Variants in ITGB5 observed in about 807,000 individuals in gnomAD.
ITGB5 encodes the protein integrin beta-5.
ITGB5 carries 38 observed loss-of-function variants against 84.8 expected under a neutral mutation model. The ratio of observed to expected loss-of-function variants is 0.45; its 90% CI spans 0.35 to 0.59. The LOEUF (loss-of-function observed/expected upper bound fraction) is 0.59, where lower values mean the gene tolerates loss of function less well. Among genes scored for constraint, ITGB5 ranks in the 20% least tolerant of loss-of-function variants. The pLI is 0.01. For missense variants in ITGB5, 905 were observed against 1,034.5 expected (o/e 0.87, Z 1.72); for synonymous variants, 393 against 414.4 (o/e 0.95, Z 0.63).
At chr3:124,848,068 T>C (rs1312593445) in intron 4 of ITGB5, among the ~76,000 whole-genome samples, 2 of 152,300 alleles carry the variant, frequency 1.3e-5, no homozygotes, top group Middle Eastern at 3.4e-3. Context: ...GTGCTGTGCA[T>C]GGCAGGCAGG....
At chr3:124,823,518 G>A (rs2064738434) in intron 5 of ITGB5, among the ~76,000 whole-genome samples, 1 of 151,460 alleles carries the variant, frequency 6.6e-6, no homozygotes, top group South Asian at 2.1e-4. Flanking sequence ...TTGGAATAGT[G>A]GTTCTCCTTG....
intron 5 of ITGB5, among the ~76,000 whole-genome samples, chr3:124,827,798 G>C (rs1322012347): frequency 6.6e-6 from 1 of 152,140 alleles, no homozygotes; most frequent in Non-Finnish European, 1.5e-5. Flanking sequence ...CACCACAAAA[G>C]TGAAAATGGC....
chr3:124,861,476 CAAAACAT>C (rs1364913323), intron 2 of ITGB5, among the ~76,000 whole-genome samples: 2 of 87,502 alleles, frequency 2.3e-5, no homozygotes, highest in East Asian at 3.0e-4. Flanking sequence ...AAAAACAAAA[CAAAACAT>C]ATATATATAT....
intron 5 of ITGB5, among the ~76,000 whole-genome samples, chr3:124,832,061 T>C (rs950849847): frequency 1.8e-4 from 28 of 152,200 alleles, no homozygotes; most frequent in African/African-American, 6.0e-4. Flanking sequence ...TGAGGGCTGA[T>C]AGAGTCACAT....
chr3:124,822,388 C>A (rs917559500), intron 5 of ITGB5, among the ~76,000 whole-genome samples: 27 of 152,322 alleles, frequency 1.8e-4, no homozygotes, highest in Non-Finnish European at 2.9e-4. Flanking sequence ...TCTATACCTG[C>A]ACACTTGCTA....
chr3:124,813,573 G>A (rs921868060), intron 8 of ITGB5, among the ~76,000 whole-genome samples: 1 of 152,170 alleles, frequency 6.6e-6, no homozygotes, highest in Non-Finnish European at 1.5e-5. Context: ...ATGGCTCACA[G>A]AACTCAGGGA....
intron 4 of ITGB5, among the ~76,000 whole-genome samples, chr3:124,844,916 T>A (rs2065057437): frequency 6.6e-6 from 1 of 152,168 alleles, no homozygotes; most frequent in African/African-American, 2.4e-5. Context: ...TTTGAAAAAT[T>A]AACAGAAAAA....
Position 124,841,309 on chromosome 3 carries a change from G to A in ITGB5, c.780+74C>T, listed in dbSNP as rs2065006863. 15 of 1,444,026 alleles carry A rather than the reference G, an allele frequency of 1.0e-5. No individual in the cohort carries two copies. In the South Asian group the frequency reaches 1.5e-4, roughly 14 times the overall value. 89.5% of individuals were successfully genotyped at this position (1,444,026 alleles called of 1,614,324 possible). ...GCTGGGGCACTCAAAGACTCCTGCA[G>A]GAAGTACCAACACCCACTGACGCTC... On this transcript the variant is annotated intron_variant, in intron 5 of 14. Coordinates refer to ENST00000296181, the MANE Select transcript of ITGB5 (RefSeq NM_002213.5).
intron 1 of ITGB5, among the ~76,000 whole-genome samples, chr3:124,879,627 A>C (rs1280348780): frequency 6.6e-6 from 1 of 152,254 alleles, no homozygotes; most frequent in African/African-American, 2.4e-5. Flanking sequence ...TCTGACTTCT[A>C]TTTTTAAAAC....
At chr3:124,898,643 CAA>C (rs68025034) in intron 1 of ITGB5, among the ~76,000 whole-genome samples, 1,522 of 29,212 alleles carry the variant, frequency 0.052, 48 homozygotes, top group African/African-American at 0.16. Context: ...GACTCCGTCT[CAA>C]AAAAAAAAAA....
At chr3:124,817,770 G>A (rs2064627783) in intron 7 of ITGB5, 60 bp from the exon 8 acceptor site, 9 of 945,818 alleles carry the variant, frequency 9.5e-6, no homozygotes, top group Admixed American at 5.8e-5. Context: ...CCATCAGAGT[G>A]AGCATTGCTA....
At chr3:124,818,911 T>C (rs572708956) in intron 7 of ITGB5, among the ~76,000 whole-genome samples, 1 of 152,240 alleles carries the variant, frequency 6.6e-6, no homozygotes, top group South Asian at 2.1e-4. Flanking sequence ...CCAGCTGTTC[T>C]GGGGGTGGAG....
chr3:124,814,145 C>T (rs1408462437), intron 8 of ITGB5, among the ~76,000 whole-genome samples: 1 of 152,068 alleles, frequency 6.6e-6, no homozygotes, highest in Non-Finnish European at 1.5e-5. Context: ...ATATATATAT[C>T]TTATCGTACC....
At chr3:124,769,335 T>G (rs1285670576) in intron 11 of ITGB5, 1 of 514,402 alleles carries the variant, frequency 1.9e-6, no homozygotes, top group African/African-American at 1.9e-5. Flanking sequence ...ATGTCTTGTC[T>G]ACATGTCAGG....
chr3:124,863,814 T>A (rs2065340578), intron 2 of ITGB5, among the ~76,000 whole-genome samples: 1 of 151,912 alleles, frequency 6.6e-6, no homozygotes, highest in African/African-American at 2.4e-5. Flanking sequence ...ACACCTGGCC[T>A]AGATATTTTA....
chr3:124,805,133 TTCTCTC>T lies in ITGB5; in HGVS notation c.1263+3883_1263+3888del, dbSNP rs113766698. Among the ~76,000 whole-genome samples, 20 of 142,100 alleles carry T rather than the reference TTCTCTC, an allele frequency of 1.4e-4. No individual in the cohort carries two copies. The Middle Eastern group carries it at 0.01, about 73-fold the overall frequency. 93.2% of individuals were successfully genotyped at this position (142,100 alleles called of 152,430 possible). A position where few individuals can be genotyped will look rare whatever the true frequency, so the allele number is the denominator to read the frequency against. ...CCTTCCTTTCCCTTCCTTTCTCCCTTTCTCTCTCTCTCTCTCTTTCTTTCTTTCTGA... is the reference window on the plus strand; with the variant it reads ...CCTTCCTTTCCCTTCCTTTCTCCCTTTCTCTCTCTCTTTCTTTCTTTCTGA... On this transcript the variant is annotated intron_variant, in intron 9 of 14. Coordinates refer to ENST00000296181, the MANE Select transcript of ITGB5 (RefSeq NM_002213.5).
At chr3:124,890,200 CTTTTTTT>C (rs138123708), upstream of ITGB5, among the ~76,000 whole-genome samples, 2 of 93,216 alleles carry the variant, frequency 2.1e-5, no homozygotes, top group Non-Finnish European at 4.0e-5. Context: ...ACTTATCTAG[CTTTTTTT>C]TTTTTTTTTT....
upstream of ITGB5, among the ~76,000 whole-genome samples, chr3:124,889,779 C>T (rs1213621049): frequency 6.6e-6 from 1 of 152,018 alleles, no homozygotes; most frequent in Admixed American, 6.6e-5. Flanking sequence ...TTTGGGAGAC[C>T]CAGTCGGGTG....
chr3:124,876,762 A>C (rs10934697), intron 1 of ITGB5, among the ~76,000 whole-genome samples: 150,883 of 152,242 alleles, frequency 0.99, 74,787 homozygotes, highest in East Asian at 1. Context: ...CAGCAGGAGG[A>C]TCTGAGGCTG....
Sources: gnomAD v4.1 joint callset for allele counts (sites outside exome capture counted in the v4.1 genomes callset) on GRCh38, gnomAD v4.1.1 for gene constraint, MANE v1.5 for transcripts, NCBI Gene and HGNC (gene_info 2026-07-23, HGNC 2026-07-21) for gene names.